PAX5: variants seen among roughly 807,000 people sequenced by gnomAD.
The protein encoded by PAX5 is paired box 5, also known as paired box protein Pax-5.
PAX5 carries 9 observed loss-of-function variants against 43.7 expected under a neutral mutation model. The ratio of observed to expected loss-of-function variants is 0.21; its 90% CI spans 0.12 to 0.36. The LOEUF (loss-of-function observed/expected upper bound fraction) is 0.36, where lower values mean the gene tolerates loss of function less well. Ranked by LOEUF, PAX5 falls within the 10% of genes least tolerant of loss-of-function variation. PAX5 has a pLI of 1.00. For missense variants in PAX5, 383 were observed against 532.7 expected, an observed-to-expected ratio of 0.72 and a Z score of 2.77; for synonymous variants, 228 against 214.3, an observed-to-expected ratio of 1.06 and a Z score of -0.56.
chr9:36,955,210 C>T (rs990365827), intron 6 of PAX5, among the ~76,000 whole-genome samples: 8 of 152,018 alleles, frequency 5.3e-5, no homozygotes, highest in African/African-American at 1.9e-4. Context: ...TCATTTTGCC[C>T]GTTATGTCTC....
intron 8 of PAX5, among the ~76,000 whole-genome samples, chr9:36,849,201 C>T (rs1822906146): frequency 6.6e-6 from 1 of 152,242 alleles, no homozygotes; most frequent in African/African-American, 2.4e-5. Flanking sequence ...GCTTGGTGCC[C>T]AGTCCACAGC....
intron 3 of PAX5, among the ~76,000 whole-genome samples, chr9:37,007,170 GA>G (rs1378193150): frequency 6.6e-6 from 1 of 152,184 alleles, no homozygotes; most frequent in African/African-American, 2.4e-5. Flanking sequence ...AAACCTCACA[GA>G]AAGGATCCAC....
intron 7 of PAX5, among the ~76,000 whole-genome samples, chr9:36,917,217 G>A (rs1032461310): frequency 1.3e-5 from 2 of 151,986 alleles, no homozygotes; most frequent in African/African-American, 4.8e-5. Context: ...TTCCTGCTTG[G>A]GCCTAACAAA....
At chr9:37,009,373 G>A (rs547566148) in intron 3 of PAX5, among the ~76,000 whole-genome samples, 14 of 152,236 alleles carry the variant, frequency 9.2e-5, no homozygotes, top group African/African-American at 3.1e-4. Context: ...CTATCTCATA[G>A]GATTACTATT....
chr9:36,880,405 G>C (rs1826305720), intron 8 of PAX5, among the ~76,000 whole-genome samples: 1 of 152,234 alleles, frequency 6.6e-6, no homozygotes, highest in African/African-American at 2.4e-5. Flanking sequence ...GCCTATTTGG[G>C]TGGGACTCCA....
In PAX5 at chr9:36,929,277, G is replaced by GGAAGGAAGGAAGGAAGGAAC. The variant is rs1437518330; in HGVS notation, c.781-5794_781-5793insGTTCCTTCCTTCCTTCCTTC. Among the ~76,000 whole-genome samples the GGAAGGAAGGAAGGAAGGAAC allele has an allele frequency of 2.3e-3, 346 of 150,102 alleles. 4 individuals are homozygous for GGAAGGAAGGAAGGAAGGAAC. Among genetic ancestry groups the GGAAGGAAGGAAGGAAGGAAC allele is most frequent in the African/African-American group, 8.0e-3 (324 of 40,454 alleles). On this transcript the variant is annotated intron_variant, in intron 6 of 9. Transcript: ENST00000358127. ...AGGAAGGAAGGAAGGAAGGAAGGAAGGAAGGAAGGAAGGATGGATGAGAGA... is the reference window on the plus strand; with the variant it reads ...AGGAAGGAAGGAAGGAAGGAAGGAAGGAAGGAAGGAAGGAAGGAACGAAGGAAGGAAGGATGGATGAGAGA...
chr9:36,939,598 G>T lies in PAX5; in HGVS notation c.781-16114C>A, dbSNP rs934417730. On this transcript the variant is annotated intron_variant, in intron 6 of 9. Transcript: ENST00000358127. ...TCATTTTCATTTGGTTCTAATATCT[G>T]CATGTAAATGTCGGAAAATAGCATC... is the stretch of plus-strand genomic sequence containing the variant. Among the ~76,000 whole-genome samples, 3 of 152,138 alleles carry T rather than the reference G, an allele frequency of 2.0e-5. No individual in the cohort carries two copies. In the South Asian group the frequency reaches 6.2e-4, roughly 32 times the overall value.
chr9:36,875,493 G>C (rs1342054526), intron 8 of PAX5, among the ~76,000 whole-genome samples: 1 of 152,172 alleles, frequency 6.6e-6, no homozygotes, highest in Non-Finnish European at 1.5e-5. Flanking sequence ...AGCTCTGGGA[G>C]AGGAATGATA....
chr9:36,977,958 G>C (rs1001461072), intron 5 of PAX5, among the ~76,000 whole-genome samples: 1 of 152,352 alleles, frequency 6.6e-6, no homozygotes, highest in Admixed American at 6.5e-5. Flanking sequence ...GTTGGAGGAG[G>C]GGAAAGGGAG....
intron 1 of PAX5, among the ~76,000 whole-genome samples, chr9:37,030,207 G>A (rs1220939430): frequency 6.6e-6 from 1 of 152,208 alleles, no homozygotes; most frequent in African/African-American, 2.4e-5. Flanking sequence ...AACTCTCGGC[G>A]TTCTTGGGGG....
At chr9:36,944,040 C>T (rs1030821895) in intron 6 of PAX5, among the ~76,000 whole-genome samples, 1 of 152,018 alleles carries the variant, frequency 6.6e-6, no homozygotes, top group African/African-American at 2.4e-5. Context: ...AAAAATCAGC[C>T]AGGTACTTTG....
Position 36,930,755 on chromosome 9 carries a change from A to C in PAX5, c.781-7271T>G, listed in dbSNP as rs983425649. The C allele has an allele frequency of 7.9e-6, 7 of 883,084 alleles. No individual in the cohort carries two copies. The East Asian group carries it at 4.3e-4, about 54-fold the overall frequency. 54.7% of individuals were successfully genotyped at this position (883,084 alleles called of 1,614,324 possible). On this transcript the variant is annotated intron_variant, in intron 6 of 9. Transcript: ENST00000358127. ...CTACCTCGACGATCATGAGAATCTG[A>C]GGGGTAAGGAGAGGGACACCACTTT...
chr9:36,875,686 C>T (rs1442957882), intron 8 of PAX5, among the ~76,000 whole-genome samples: 1 of 152,016 alleles, frequency 6.6e-6, no homozygotes, highest in East Asian at 1.9e-4. Context: ...CCAGGTGGGT[C>T]CAAGGGAAAC....
intron 1 of PAX5, 111 bp from the exon 2 acceptor site, chr9:37,020,912 G>A (rs1443838812): frequency 2.6e-6 from 3 of 1,159,926 alleles, no homozygotes; most frequent in Non-Finnish European, 1.2e-6. Context: ...TGGCCGGCAG[G>A]CTGGATGTCT....
intron 8 of PAX5, among the ~76,000 whole-genome samples, chr9:36,867,013 C>T (rs965861010): frequency 1.5e-5 from 2 of 137,616 alleles, no homozygotes; most frequent in Non-Finnish European, 3.0e-5. Context: ...TTGCCGCTGC[C>T]CCCAGTGGCC....
intron 7 of PAX5, among the ~76,000 whole-genome samples, chr9:36,889,949 G>C (rs949383353): frequency 4.2e-5 from 6 of 142,538 alleles, no homozygotes; most frequent in Admixed American, 1.4e-4. Context: ...AACGGGGGGG[G>C]GGGGAATGTG....
chr9:36,864,642 C>G (rs1208261833), intron 8 of PAX5, among the ~76,000 whole-genome samples: 1 of 152,184 alleles, frequency 6.6e-6, no homozygotes, highest in Non-Finnish European at 1.5e-5. Context: ...CGTGGGCCAG[C>G]CTCCCCCCTC....
At chr9:37,022,131 G>C (rs1437748674) in intron 1 of PAX5, among the ~76,000 whole-genome samples, 1 of 152,130 alleles carries the variant, frequency 6.6e-6, no homozygotes, top group African/African-American at 2.4e-5. Context: ...AGTTTCCCAT[G>C]AATATTTCCC....
Position 36,833,871 on chromosome 9 carries a change from AT to A in PAX5, c.*6688del, listed in dbSNP as rs11378713. On this transcript the variant is annotated 3_prime_UTR_variant, in exon 10 of 10. Transcript: ENST00000358127. ...TGTTGGTTTTTTTGTATTTTTTTGT[AT>A]TTTTTTTTTTTTACAAGTAAGCGTC... 0.016 allele frequency: 3,544 copies of A among 216,668 alleles called. 81 individuals carry two copies. Among genetic ancestry groups the A allele is most frequent in the African/African-American group, 0.066 (2,847 of 43,018 alleles). 13.4% of individuals were successfully genotyped at this position (216,668 alleles called of 1,614,324 possible). A position where few individuals can be genotyped will look rare whatever the true frequency, so the allele number is the denominator to read the frequency against.
Sources: allele counts gnomAD v4.1 joint callset (sites outside exome capture counted in the v4.1 genomes callset), GRCh38; gene constraint gnomAD v4.1.1; transcripts MANE v1.5; gene names NCBI Gene and HGNC (gene_info 2026-07-23, HGNC 2026-07-21).